Variants in SERINC5 observed in about 807,000 individuals in gnomAD.
SERINC5 encodes the protein serine incorporator 5, also known as chromosome 5 open reading frame 12.
A neutral mutation model predicts 63.1 loss-of-function variants in SERINC5; 41 were observed. That is an observed-to-expected ratio of 0.65 (90% CI 0.51 to 0.84). SERINC5 has a LOEUF of 0.84. SERINC5 is among the 40% of genes least tolerant of loss of function. The probability of loss-of-function intolerance (pLI) is 0.00; values close to 1 mark genes in which losing one functional copy is unlikely to be tolerated. For missense variants in SERINC5, 523 were observed against 573.0 expected (o/e 0.91, Z 0.89); for synonymous variants, 222 against 215.2 (o/e 1.03, Z -0.28).
At chr5:80,160,800 G>GT (rs1746831719) in intron 7 of SERINC5, among the ~76,000 whole-genome samples, 2 of 151,914 alleles carry the variant, frequency 1.3e-5, no homozygotes, top group African/African-American at 4.8e-5. Context: ...GTATTTGTCT[G>GT]TGTCTGCTTG....
intron 2 of SERINC5, among the ~76,000 whole-genome samples, chr5:80,195,580 CAAG>C: frequency 6.6e-6 from 1 of 152,166 alleles, no homozygotes. Context: ...GGAACCAGTA[CAAG>C]AAGGGCTTCC....
At chr5:80,194,415 A>G (rs764735181) in intron 2 of SERINC5, among the ~76,000 whole-genome samples, 6 of 152,234 alleles carry the variant, frequency 3.9e-5, no homozygotes, top group Non-Finnish European at 7.3e-5. Flanking sequence ...GTCATTTTAC[A>G]TTGGGACAAA....
rs1745448185 is a variant in SERINC5 at position 80,140,537 on chromosome 5, T to C, written c.*3126A>G. On this transcript the variant is annotated 3_prime_UTR_variant, in exon 12 of 12. Coordinates refer to ENST00000507668, the MANE Select transcript of SERINC5 (RefSeq NM_001174072.3). ...GCTCCAAATACCTCTGGCAAATAAT[T>C]TCTTTTTCAGACAAAATGAAGAACC... The C allele has an allele frequency of 1.0e-6, 1 of 984,850 alleles. No individual in the cohort carries two copies. Among genetic ancestry groups the C allele is most frequent in the South Asian group, 4.7e-5 (1 of 21,276 alleles). The allele number at this position is 984,850 out of a possible 1,614,324, so 61.0% of individuals were successfully genotyped here. A position where few individuals can be genotyped will look rare whatever the true frequency, so the allele number is the denominator to read the frequency against.
intron 11 of SERINC5, among the ~76,000 whole-genome samples, chr5:80,120,034 T>G (rs1348684003): frequency 2.0e-5 from 3 of 152,186 alleles, no homozygotes; most frequent in East Asian, 3.8e-4. Flanking sequence ...GGCAAGTTAC[T>G]TCATTTTTTT....
At chr5:80,114,162 T>C (rs550815055) in intron 11 of SERINC5, among the ~76,000 whole-genome samples, 1 of 152,160 alleles carries the variant, frequency 6.6e-6, no homozygotes, top group South Asian at 2.1e-4. Context: ...TCTGTATTAG[T>C]CTGTTTTCAT....
At chr5:80,117,318 T>C (rs527369023) in intron 11 of SERINC5, among the ~76,000 whole-genome samples, 13 of 152,150 alleles carry the variant, frequency 8.5e-5, no homozygotes, top group African/African-American at 1.9e-4. Context: ...ATTTGTAAAA[T>C]AGGCAAATAT....
At chr5:80,213,803 G>C (rs975198699) in intron 1 of SERINC5, among the ~76,000 whole-genome samples, 3 of 152,028 alleles carry the variant, frequency 2.0e-5, no homozygotes, top group Non-Finnish European at 4.4e-5. Context: ...CATATTAAAA[G>C]CCCTATTTCC....
At chr5:80,252,089 G>A (rs1359223939) in intron 1 of SERINC5, among the ~76,000 whole-genome samples, 4 of 124,526 alleles carry the variant, frequency 3.2e-5, no homozygotes, top group African/African-American at 9.4e-5. Flanking sequence ...TTGAGACAGC[G>A]TCTCACTCTG....
In SERINC5 at chr5:80,141,480, C is replaced by T; in HGVS notation, c.*2183G>A. 2 of 962,876 alleles carry T rather than the reference C, an allele frequency of 2.1e-6. No homozygotes were observed. The highest frequency in any genetic ancestry group is 2.4e-6 in the Non-Finnish European group (2 of 829,860). The allele number at this position is 962,876 out of a possible 1,614,324, so 59.6% of individuals were successfully genotyped here. A position where few individuals can be genotyped will look rare whatever the true frequency, so the allele number is the denominator to read the frequency against. ...GTAAGGTCAGTTTCTCAAATCACAC[C>T]AGCTGGCAGCCAGACCCAGCCGAGA... On this transcript the variant is annotated 3_prime_UTR_variant, in exon 12 of 12. Coordinates refer to ENST00000507668, the MANE Select transcript of SERINC5 (RefSeq NM_001174072.3).
rs1174325559 is a variant in SERINC5, at chr5:80,229,050, T to TGGGGG, written c.28-25998_28-25997insCCCCC. Reference sequence around the variant, plus strand: ...TTTTTTTTTTTTTTTTTTTTTTTTTTGGGGATGGAGTTGCCTAGGCTGGAG... The same window carrying TGGGGG: ...TTTTTTTTTTTTTTTTTTTTTTTTTTGGGGGGGGGATGGAGTTGCCTAGGCTGGAG... On this transcript the variant is annotated intron_variant, in intron 1 of 11. Coordinates refer to ENST00000507668, the MANE Select transcript of SERINC5 (RefSeq NM_001174072.3). 6.3e-4 allele frequency among the ~76,000 whole-genome samples: 59 copies of TGGGGG among 94,164 alleles called. 11 individuals are homozygous for TGGGGG. Among genetic ancestry groups the TGGGGG allele is most frequent in the African/African-American group, 2.0e-3 (52 of 25,620 alleles). The allele number at this position is 94,164 out of a possible 152,430, so 61.8% of individuals were successfully genotyped here.
At chr5:80,123,300 TCTCA>T (rs1744619299) in intron 11 of SERINC5, among the ~76,000 whole-genome samples, 1 of 152,126 alleles carries the variant, frequency 6.6e-6, no homozygotes, top group African/African-American at 2.4e-5. Context: ...AGAGATGGGG[TCTCA>T]CTATGTTGCC....
chr5:80,196,249 G>A (rs1580150282), intron 2 of SERINC5, among the ~76,000 whole-genome samples: 1 of 152,268 alleles, frequency 6.6e-6, no homozygotes, highest in Non-Finnish European at 1.5e-5. Flanking sequence ...AGCTGCCCCA[G>A]GGGAAAGCAA....
intron 1 of SERINC5, chr5:80,255,142 T>C (rs909001927): frequency 1.3e-5 from 2 of 152,234 alleles, no homozygotes; most frequent in African/African-American, 4.8e-5. Context: ...GGCTAAGACG[T>C]ACTAATTCTA....
chr5:80,145,938 A>C (rs555863337), intron 11 of SERINC5, among the ~76,000 whole-genome samples, 152 bp downstream of exon 11: 2 of 152,298 alleles, frequency 1.3e-5, no homozygotes, highest in South Asian at 2.1e-4. Flanking sequence ...TGAACCTGGG[A>C]AGCAGAGGTT....
chr5:80,250,574 C>T (rs2112614723), intron 1 of SERINC5, among the ~76,000 whole-genome samples: 1 of 152,264 alleles, frequency 6.6e-6, no homozygotes, highest in Middle Eastern at 3.4e-3. Context: ...ACTCCGCCCA[C>T]CTGAGCCTCC....
chr5:80,152,452 C>T (rs1211191434), intron 8 of SERINC5, among the ~76,000 whole-genome samples: 4 of 150,356 alleles, frequency 2.7e-5, no homozygotes, highest in African/African-American at 4.9e-5. Context: ...CATGATCACA[C>T]CAGTGCACTT....
intron 1 of SERINC5, among the ~76,000 whole-genome samples, chr5:80,244,758 G>A (rs1451614736): frequency 6.6e-6 from 1 of 152,096 alleles, no homozygotes; most frequent in Admixed American, 6.5e-5. Flanking sequence ...GAAGGCAGAG[G>A]TTGCAGTGAG....
At chr5:80,218,854 C>T (rs942337241) in intron 1 of SERINC5, among the ~76,000 whole-genome samples, 13 of 152,000 alleles carry the variant, frequency 8.6e-5, no homozygotes, top group Admixed American at 6.6e-5. Context: ...AAAGGGCTCA[C>T]TGCTCAAAAG....
intron 1 of SERINC5, among the ~76,000 whole-genome samples, chr5:80,205,975 CAA>C (rs368524252): frequency 0.053 from 3,945 of 74,232 alleles, 71 homozygotes; most frequent in African/African-American, 0.1. Context: ...TGGTGGTGCA[CAA>C]AAAAAAAAAA....
Sources: gnomAD v4.1 joint callset for allele counts (sites outside exome capture counted in the v4.1 genomes callset) on GRCh38, gnomAD v4.1.1 for gene constraint, MANE v1.5 for transcripts, NCBI Gene and HGNC (gene_info 2026-07-23, HGNC 2026-07-21) for gene names.